The following EXD1 variants were observed in gnomAD, a reference collection of about 807,000 sequenced individuals.
The protein encoded by EXD1 is piRNA biogenesis protein EXD1.
Under a neutral mutation model 49.1 loss-of-function variants are expected in EXD1, and 63 were observed. The ratio of observed to expected loss-of-function variants is 1.28; its 90% CI spans 1.05 to 1.58. The LOEUF is 1.58. Among genes scored for constraint, EXD1 ranks in the 40% most tolerant of loss-of-function variants. EXD1 has a pLI of 0.00. For synonymous variants in EXD1, 234 were observed against 239.2 expected, an observed-to-expected ratio of 0.98 and a Z score of 0.20; for missense variants, 748 against 666.0, an observed-to-expected ratio of 1.12 and a Z score of -1.36.
At chr15:41,222,666 C>T (rs1471823140) in intron 2 of EXD1, among the ~76,000 whole-genome samples, 8 of 141,316 alleles carry the variant, frequency 5.7e-5, no homozygotes, top group African/African-American at 1.8e-4. Flanking sequence ...TTGCTGGACG[C>T]GGTGACTCAC....
At position 41,216,721 on chromosome 15, in the gene EXD1, G is replaced by A. The variant is rs201884910; in HGVS notation, c.335C>T (p.Ala112Val). Reference sequence around the variant, plus strand: ...CAGAGAGGTAGCTGGTGCTTCAGGGGCAGGAGAAGCAGGCTCACATACATT... The same window carrying A: ...CAGAGAGGTAGCTGGTGCTTCAGGGACAGGAGAAGCAGGCTCACATACATT... ...DLNVCEPASPAPEAPATSLLN... is the reference protein window; with the variant it reads ...DLNVCEPASPVPEAPATSLLN... Residue 112 changes from alanine to valine, a missense_variant, in exon 5 of 12, where the codon GCC (alanine) becomes GTC (valine). Transcript: ENST00000458580. 8 of 1,613,778 alleles carry A rather than the reference G, an allele frequency of 5.0e-6. No homozygotes were observed. The highest frequency in any genetic ancestry group is 1.3e-5 in the African/African-American group (1 of 75,044).
intron 7 of EXD1, among the ~76,000 whole-genome samples, chr15:41,206,915 T>C (rs2046834503): frequency 7.5e-6 from 1 of 133,610 alleles, no homozygotes; most frequent in Non-Finnish European, 1.6e-5. Flanking sequence ...CCACTGTGCC[T>C]GCCCTATTCA....
At chr15:41,221,935 AC>A (rs113526103) in intron 2 of EXD1, among the ~76,000 whole-genome samples, 19,182 of 151,384 alleles carry the variant, frequency 0.13, 1,392 homozygotes, top group South Asian at 0.27. Context: ...CCCTGTCTCT[AC>A]TAAAACATCA....
Position 41,184,372 on chromosome 15 carries a change from A to G in EXD1, c.1278T>C (p.Phe426=), listed in dbSNP as rs750327828. 1.9e-6 allele frequency: 3 copies of G among 1,614,034 alleles called. No individual in the cohort carries two copies. In the African/African-American group the frequency reaches 4.0e-5, roughly 22 times the overall value. The change falls in exon 12 of 12, where the codon TTT becomes TTC. Residue 426 remains phenylalanine (F), a synonymous_variant. Coordinates refer to ENST00000458580, the MANE Select transcript of EXD1 (RefSeq NM_001286441.2). ...KNFRIDKAPS[F]TSQDFHGDVN... is the part of the protein sequence containing the mutation. ...CATCCCCGTGAAAGTCTTGAGATGT[A>G]AAACTTGGAGCTTTATCTATCCTAA...
intron 3 of EXD1, among the ~76,000 whole-genome samples, chr15:41,218,499 A>AT (rs2047037668): frequency 6.6e-6 from 1 of 151,798 alleles, no homozygotes; most frequent in Non-Finnish European, 1.5e-5. Flanking sequence ...AAAAAAAAAA[A>AT]AAAAAAGTAT....
chr15:41,223,769 G>T (rs1266534981), intron 2 of EXD1, among the ~76,000 whole-genome samples: 1 of 151,656 alleles, frequency 6.6e-6, no homozygotes, highest in Non-Finnish European at 1.5e-5. Flanking sequence ...GGAGTCTGAG[G>T]CAGGAGAATG....
intron 7 of EXD1, among the ~76,000 whole-genome samples, chr15:41,197,060 A>G (rs2046625378): frequency 1.3e-5 from 2 of 151,870 alleles, no homozygotes; most frequent in South Asian, 4.2e-4. Context: ...CCTAGGCTAA[A>G]GCAATCTGCC....
At chr15:41,227,749 A>G (rs1426029927) in intron 1 of EXD1, among the ~76,000 whole-genome samples, 2 of 151,806 alleles carry the variant, frequency 1.3e-5, no homozygotes, top group African/African-American at 4.8e-5. Context: ...AAGAAATATT[A>G]TTCATAGTGG....
Position 41,184,501 on chromosome 15 carries a change from A to G in EXD1, c.1149T>C (p.Asn383=). The change falls in exon 12 of 12, where the codon AAT becomes AAC. Residue 383 remains asparagine (N), a synonymous_variant. Coordinates refer to ENST00000458580, the MANE Select transcript of EXD1 (RefSeq NM_001286441.2). ...REKAAREYRV[N]AQGLLIRTVL... is the part of the protein sequence containing the mutation. ...CTGTCCTTATCAGGAGTCCCTGTGCATTCACCCTATATTCTCTTGCAGCTT... is the reference window on the plus strand; with the variant it reads ...CTGTCCTTATCAGGAGTCCCTGTGCGTTCACCCTATATTCTCTTGCAGCTT... 1 of 1,614,088 alleles carries G rather than the reference A, an allele frequency of 6.2e-7. No homozygotes were observed. The highest frequency in any genetic ancestry group is 8.5e-7 in the Non-Finnish European group (1 of 1,180,006).
chr15:41,203,570 C>T (rs577342779), intron 7 of EXD1, among the ~76,000 whole-genome samples: 1 of 152,078 alleles, frequency 6.6e-6, no homozygotes, highest in Non-Finnish European at 1.5e-5. Flanking sequence ...GAATCATTCT[C>T]CCTGAAGGCG....
intron 1 of EXD1, 22 bp downstream of exon 1, chr15:41,230,457 G>A: frequency 1.2e-6 from 2 of 1,605,694 alleles, no homozygotes; most frequent in Middle Eastern, 1.7e-4. Flanking sequence ...ACAAAATAAG[G>A]AACTTCAAAT....
chr15:41,208,322 C>A (rs906989180), intron 7 of EXD1, among the ~76,000 whole-genome samples: 2 of 140,734 alleles, frequency 1.4e-5, no homozygotes, highest in Non-Finnish European at 3.0e-5. Flanking sequence ...TTGCTTGAGA[C>A]CAGGAGTTTG....
intron 9 of EXD1, among the ~76,000 whole-genome samples, chr15:41,195,554 T>C (rs1473790527): frequency 1.3e-5 from 2 of 152,022 alleles, no homozygotes; most frequent in Non-Finnish European, 2.9e-5. Context: ...GAGGAAAACA[T>C]CTTTATAAAT....
chr15:41,192,773 T>C, intron 9 of EXD1, among the ~76,000 whole-genome samples: 1 of 148,866 alleles, frequency 6.7e-6, no homozygotes, highest in East Asian at 2.0e-4. Flanking sequence ...CCACTATGCC[T>C]GGCTAGTATT....
At chr15:41,216,944 T>C in intron 4 of EXD1, 149 bp from the exon 5 acceptor site, 1 of 1,314,814 alleles carries the variant, frequency 7.6e-7, no homozygotes, top group East Asian at 2.3e-5. Context: ...TTGAGGGCGC[T>C]ATCTAACAAT....
chr15:41,214,146 G>A (rs1170529572), intron 6 of EXD1, among the ~76,000 whole-genome samples: 1 of 151,692 alleles, frequency 6.6e-6, no homozygotes, highest in Non-Finnish European at 1.5e-5. Flanking sequence ...CAGCCTGGGC[G>A]AAAGAGACTC....
intron 6 of EXD1, 48 bp downstream of exon 6, chr15:41,215,727 G>T: frequency 6.6e-7 from 1 of 1,522,256 alleles, no homozygotes; most frequent in Non-Finnish European, 9.1e-7. Flanking sequence ...ACACAGACAT[G>T]ATACCTACAT....
chr15:41,196,083 C>T (rs532656341), intron 7 of EXD1, 46 bp from the exon 8 acceptor site: 8 of 1,417,642 alleles, frequency 5.6e-6, no homozygotes, highest in Non-Finnish European at 7.7e-6. Flanking sequence ...TAAGAAAGAA[C>T]TGAGGAAGGG....
intron 6 of EXD1, among the ~76,000 whole-genome samples, chr15:41,210,699 C>G (rs983510434): frequency 6.6e-6 from 1 of 151,976 alleles, no homozygotes; most frequent in African/African-American, 2.4e-5. Flanking sequence ...TAGTGGTACC[C>G]CAGGTACACA....
Sources: gnomAD v4.1 joint callset for allele counts (sites outside exome capture counted in the v4.1 genomes callset) on GRCh38, gnomAD v4.1.1 for gene constraint, MANE v1.5 for transcripts, NCBI Gene and HGNC (gene_info 2026-07-23, HGNC 2026-07-21) for gene names.